EXOC6B: variants seen among roughly 807,000 people sequenced by gnomAD.
The protein encoded by EXOC6B is SEC15 homolog B.
In EXOC6B, 54 loss-of-function variants were observed where a neutral mutation model predicts 113.5. That is an observed-to-expected ratio of 0.48 (90% CI 0.38 to 0.60). EXOC6B has a LOEUF of 0.60. EXOC6B is among the 20% of genes least tolerant of loss of function. The pLI is 0.00. For synonymous variants in EXOC6B, 357 were observed against 339.0 expected (o/e 1.05, Z -0.58); for missense variants, 797 against 977.5 (o/e 0.82, Z 2.46).
At chr2:72,305,608 T>G (rs1049967379) in intron 20 of EXOC6B, among the ~76,000 whole-genome samples, 2 of 152,160 alleles carry the variant, frequency 1.3e-5, no homozygotes, top group African/African-American at 4.8e-5. Flanking sequence ...AGATCTAATA[T>G]GATCCTTGGA....
intron 19 of EXOC6B, among the ~76,000 whole-genome samples, chr2:72,347,661 AT>A (rs1406664815): frequency 2.6e-5 from 4 of 152,192 alleles, no homozygotes; most frequent in Non-Finnish European, 4.4e-5. Flanking sequence ...TGAAATTAAT[AT>A]TTTTGAAATT....
chr2:72,787,806 TA>T (rs1684459885), intron 1 of EXOC6B, among the ~76,000 whole-genome samples: 1 of 152,116 alleles, frequency 6.6e-6, no homozygotes. Context: ...TTTTTGTGTA[TA>T]TTTTTTTTCT....
intron 6 of EXOC6B, among the ~76,000 whole-genome samples, chr2:72,604,524 C>T (rs1050382696): frequency 2.0e-5 from 3 of 152,094 alleles, no homozygotes; most frequent in Admixed American, 2.0e-4. Flanking sequence ...TTCATTATTT[C>T]CACTTTATAG....
At chr2:72,406,881 CA>C (rs926885470) in intron 18 of EXOC6B, among the ~76,000 whole-genome samples, 1 of 151,732 alleles carries the variant, frequency 6.6e-6, no homozygotes, top group Admixed American at 6.6e-5. Context: ...ATCAGAGACA[CA>C]AAAAAACCCT....
Position 72,825,956 on chromosome 2 carries a change from A to C in EXOC6B, c.-46T>G. The C allele has an allele frequency of 6.3e-7, 1 of 1,599,934 alleles. No individual in the cohort carries two copies. On this transcript the variant is annotated 5_prime_UTR_variant, in exon 1 of 22. Coordinates refer to ENST00000272427, the MANE Select transcript of EXOC6B (RefSeq NM_015189.3). This position sits in a 1 kb window ranked among gnomAD's most constrained non-coding sequence, Gnocchi z 4.4. Reference sequence around the variant, plus strand: ...CGCGTCCCCTCCGTCGGCTCGGCTCACCTTTTCCCTGCCCCACAATGCCGC... The same window carrying C: ...CGCGTCCCCTCCGTCGGCTCGGCTCCCCTTTTCCCTGCCCCACAATGCCGC...
At chr2:72,685,438 T>C (rs975185076) in intron 6 of EXOC6B, among the ~76,000 whole-genome samples, 1 of 152,138 alleles carries the variant, frequency 6.6e-6, no homozygotes, top group Non-Finnish European at 1.5e-5. Flanking sequence ...AGAGGGAAGA[T>C]TGGTCCCAAA....
rs1251019843 is a variant in EXOC6B at position 72,627,386 on chromosome 2, CA to C, written c.670-51719del. Among the ~76,000 whole-genome samples the C allele has an allele frequency of 2.0e-5, 3 of 152,274 alleles. No homozygotes were observed. The East Asian group carries it at 5.8e-4, about 29-fold the overall frequency. On this transcript the variant is annotated intron_variant, in intron 6 of 21. Transcript: ENST00000272427. ...CATCAGAGACCATTGCCTGACTGTACAATGAATTGCCGATAATACAGCAGAA... is the reference window on the plus strand; with the variant it reads ...CATCAGAGACCATTGCCTGACTGTACATGAATTGCCGATAATACAGCAGAA...
chr2:72,472,387 G>A (rs535197015), intron 17 of EXOC6B, among the ~76,000 whole-genome samples: 52 of 152,154 alleles, frequency 3.4e-4, no homozygotes, highest in Non-Finnish European at 3.2e-4. Flanking sequence ...ATCACTGCCC[G>A]TTATTGGTCT....
intron 12 of EXOC6B, among the ~76,000 whole-genome samples, chr2:72,499,107 T>A (rs929980974): frequency 6.6e-6 from 1 of 151,840 alleles, no homozygotes; most frequent in Non-Finnish European, 1.5e-5. Context: ...AAACTACATA[T>A]GAAAACATAA....
intron 1 of EXOC6B, among the ~76,000 whole-genome samples, chr2:72,754,456 T>A (rs901255008): frequency 6.6e-6 from 1 of 151,976 alleles, no homozygotes. Flanking sequence ...ACTGTCAAAC[T>A]CCTAGCCTCG....
intron 6 of EXOC6B, among the ~76,000 whole-genome samples, chr2:72,638,743 T>G (rs764819012): frequency 6.6e-6 from 1 of 152,196 alleles, no homozygotes; most frequent in African/African-American, 2.4e-5. Flanking sequence ...CCAGCTCATG[T>G]GGAGCCTAGA....
chr2:72,205,233 G>A (rs1048535619), intron 20 of EXOC6B, among the ~76,000 whole-genome samples: 1 of 152,104 alleles, frequency 6.6e-6, no homozygotes, highest in African/African-American at 2.4e-5. Flanking sequence ...CAACATCTGG[G>A]ACATTTAAAC....
intron 18 of EXOC6B, among the ~76,000 whole-genome samples, chr2:72,423,200 G>A (rs937700571): frequency 8.6e-5 from 13 of 151,826 alleles, no homozygotes; most frequent in Non-Finnish European, 1.0e-4. Flanking sequence ...CACTCACCGC[G>A]AAAGTCTGCA....
At chr2:72,370,432 A>G (rs1690927353) in intron 19 of EXOC6B, among the ~76,000 whole-genome samples, 1 of 152,216 alleles carries the variant, frequency 6.6e-6, no homozygotes, top group African/African-American at 2.4e-5. Context: ...AACCGGTTCA[A>G]CCATTGTGGA....
At chr2:72,658,872 T>G (rs1674800496) in intron 6 of EXOC6B, among the ~76,000 whole-genome samples, 1 of 152,150 alleles carries the variant, frequency 6.6e-6, no homozygotes. Context: ...ACACTTGTTT[T>G]TATCAGATAA....
chr2:72,379,960 A>T, intron 18 of EXOC6B, 90 bp from the exon 19 acceptor site: 1 of 1,279,024 alleles, frequency 7.8e-7, no homozygotes, highest in African/African-American at 1.5e-5. Flanking sequence ...CTTCTTTTTC[A>T]ATTAGGAATT....
At chr2:72,816,893 CAA>C (rs1475196252) in intron 1 of EXOC6B, among the ~76,000 whole-genome samples, 1 of 152,156 alleles carries the variant, frequency 6.6e-6, no homozygotes, top group Non-Finnish European at 1.5e-5. Context: ...TTAACTCAAA[CAA>C]AATCAAACAC....
chr2:72,363,448 G>C (rs541135971), intron 19 of EXOC6B, among the ~76,000 whole-genome samples: 3 of 152,042 alleles, frequency 2.0e-5, no homozygotes, highest in Non-Finnish European at 4.4e-5. Context: ...AAGTTTCACA[G>C]ACAACTATCA....
intron 18 of EXOC6B, among the ~76,000 whole-genome samples, chr2:72,408,672 G>T (rs558903908): frequency 6.6e-6 from 1 of 152,294 alleles, no homozygotes; most frequent in African/African-American, 2.4e-5. Context: ...TATGTAGAAA[G>T]CTGAAACTGG....
Sources: gnomAD v4.1 joint callset for allele counts (sites outside exome capture counted in the v4.1 genomes callset) on GRCh38, gnomAD v4.1.1 for gene constraint, Gnocchi (gnomAD v3.1) non-coding constraint, MANE v1.5 for transcripts, NCBI Gene and HGNC (gene_info 2026-07-23, HGNC 2026-07-21) for gene names.